SRRM2: variants seen among roughly 807,000 people sequenced by gnomAD.
SRRM2 encodes the protein serine/arginine repetitive matrix protein 2.
SRRM2 carries 30 observed loss-of-function variants against 213.8 expected under a neutral mutation model. That is an observed-to-expected ratio of 0.14 (90% confidence interval 0.10 to 0.19). SRRM2 has a LOEUF of 0.19. SRRM2 is among the 10% of genes least tolerant of loss of function. SRRM2 has a pLI of 1.00. For synonymous variants in SRRM2, 2,025 were observed against 1,377.7 expected (o/e 1.47, Z -10.40); for missense variants, 4,904 against 3,647.0 (o/e 1.34, Z -8.88).
chr16:2,763,901 C>T lies in SRRM2; in HGVS notation c.3373C>T (p.Pro1125Ser). 6.2e-6 allele frequency: 10 copies of T among 1,614,182 alleles called. No individual in the cohort carries two copies. Among genetic ancestry groups the T allele is most frequent in the African/African-American group, 1.3e-5 (1 of 75,030 alleles). The change falls in exon 11 of 15, where the codon CCT (proline) becomes TCT (serine). Residue 1125 changes from proline (P) to serine (S), a missense_variant. Physicochemically the swap from Pro to Ser is moderately conservative, Grantham distance 74. Transcript: ENST00000301740. Reference protein sequence around the residue: ...RQDRGEFSASPMLKSGMSPEQ... With the variant: ...RQDRGEFSASSMLKSGMSPEQ... ...AGATAGAGGTGAGTTCTCAGCGAGTCCTATGTTGAAATCTGGAATGTCTCC... is the reference window on the plus strand; with the variant it reads ...AGATAGAGGTGAGTTCTCAGCGAGTTCTATGTTGAAATCTGGAATGTCTCC...
chr16:2,763,316 C>T lies in SRRM2; in HGVS notation c.2788C>T (p.His930Tyr), dbSNP rs1567231666. 2 of 1,614,146 alleles carry T rather than the reference C, an allele frequency of 1.2e-6. No homozygotes were observed. Among genetic ancestry groups the T allele is most frequent in the Admixed American group, 1.7e-5 (1 of 60,022 alleles). Residue 930 changes from histidine (H) to tyrosine (Y), a missense_variant, in exon 11 of 15, where the codon CAT becomes TAT. Coordinates refer to ENST00000301740, the MANE Select transcript of SRRM2 (RefSeq NM_016333.4). ...AATAATATCACCAAGACAAAGAAGC[C>T]ATTCTGGCTCCTCTTCTCCAAGTCC... ...KAIISPRQRS[H>Y]SGSSSPSPSR...
At chr16:2,760,539 G>A (rs1440657126) in intron 10 of SRRM2, 40 bp downstream of exon 10, 6 of 1,605,718 alleles carry the variant, frequency 3.7e-6, no homozygotes, top group Non-Finnish European at 5.1e-6. Context: ...GATTGCAAAT[G>A]TATAGATTTA....
At position 2,761,802 on chromosome 16, in the gene SRRM2, C is replaced by T. The variant is rs768287108; in HGVS notation, c.1274C>T (p.Pro425Leu). Residue 425 changes from proline (P) to leucine (L), a missense_variant, in exon 11 of 15, where the codon CCT becomes CTT. Physicochemically the swap from Pro to Leu is moderately conservative, Grantham distance 98. Transcript: ENST00000301740. The part of the protein sequence containing the change: ...SSSSESSPPS[P>L]QPTKVSRHAS... ...TCCTCAGAGAGCAGCCCACCATCCC[C>T]TCAACCTACCAAAGTTTCTCGGCAT... is the stretch of plus-strand genomic sequence containing the variant. 3 of 1,614,102 alleles carry T rather than the reference C, an allele frequency of 1.9e-6. No homozygotes were observed. The South Asian group carries it at 3.3e-5, about 18-fold the overall frequency.
rs1446536928 is a variant in SRRM2 at position 2,763,769 on chromosome 16, T to C, written c.3241T>C (p.Ser1081Pro). ...AAGTCCAGAAGTGAGACAGAGTCATTCAGAATCACCATCTCTGCAGAGCAA... is the reference window on the plus strand; with the variant it reads ...AAGTCCAGAAGTGAGACAGAGTCATCCAGAATCACCATCTCTGCAGAGCAA... ...TSSPEVRQSH[S>P]ESPSLQSKSQ... is the part of the protein sequence containing the mutation. The change falls in exon 11 of 15, where the codon TCA (serine) becomes CCA (proline). Residue 1081 changes from serine to proline, a missense_variant. By Grantham distance (74) the Ser-to-Pro change is moderately conservative (BLOSUM62 -1). Coordinates refer to ENST00000301740, the MANE Select transcript of SRRM2 (RefSeq NM_016333.4). 6.2e-7 allele frequency: 1 copy of C among 1,614,168 alleles called. No individual in the cohort carries two copies. Among genetic ancestry groups the C allele is most frequent in the East Asian group, 2.2e-5 (1 of 44,890 alleles).
rs748025827 is a variant in SRRM2 at position 2,757,519 on chromosome 16, T to C, written c.290T>C (p.Met97Thr). 2 of 1,614,060 alleles carry C rather than the reference T, an allele frequency of 1.2e-6. No homozygotes were observed. The highest frequency in any genetic ancestry group is 1.7e-6 in the Non-Finnish European group (2 of 1,179,988). Residue 97 changes from methionine to threonine, a missense_variant, in exon 3 of 15, where the codon ATG (methionine) becomes ACG (threonine). Met to Thr is a moderately conservative substitution (Grantham distance 81). Transcript: ENST00000301740. ...GAAAAAGTGGCGACCTTTCGACTCA[T>C]GTTGCTGGAGAAGGATGTGAACCCT... ...IQEKVATFRL[M>T]LLEKDVNPGG...
chr16:2,763,249 G>A lies in SRRM2; in HGVS notation c.2721G>A (p.Gln907=). Reference sequence around the variant, plus strand: ...TGAAATCTAGCACACCTCCCAGACAGAGCCCATCTAGGTCATCATCTCCAC... The same window carrying A: ...TGAAATCTAGCACACCTCCCAGACAAAGCCCATCTAGGTCATCATCTCCAC... The part of the protein sequence containing the change: ...PRVKSSTPPR[Q]SPSRSSSPQP... Residue 907 remains glutamine (Q), a synonymous_variant, in exon 11 of 15, where the codon CAG becomes CAA. Transcript: ENST00000301740. 18 of 1,614,058 alleles carry A rather than the reference G, an allele frequency of 1.1e-5. No homozygotes were observed. The highest frequency in any genetic ancestry group is 1.4e-5 in the Non-Finnish European group (17 of 1,180,020).
Position 2,763,666 on chromosome 16 carries a change from C to T in SRRM2, c.3138C>T (p.Gly1046=), listed in dbSNP as rs371353887. ...GAGTAAAATCTAGCACACCACCAGG[C>T]GAGAGCTATTTTGGTGTCTCATCTC... ...CAGVKSSTPP[G]ESYFGVSSLQ... is the part of the protein sequence containing the mutation. Residue 1046 remains glycine, a synonymous_variant, in exon 11 of 15, where the codon GGC becomes GGT. Transcript: ENST00000301740. 2.4e-5 allele frequency: 39 copies of T among 1,614,022 alleles called. No individual in the cohort carries two copies. The highest frequency in any genetic ancestry group is 3.1e-5 in the Non-Finnish European group (36 of 1,180,034).
rs1463629348 is a variant in SRRM2 at position 2,766,156 on chromosome 16, C to T, written c.5628C>T (p.Ser1876=). The T allele has an allele frequency of 2.3e-5, 37 of 1,614,146 alleles. No homozygotes were observed. The highest frequency in any genetic ancestry group is 3.1e-5 in the Non-Finnish European group (37 of 1,180,024). Residue 1876 remains serine, a synonymous_variant, in exon 11 of 15, where the codon TCC becomes TCT. Transcript: ENST00000301740. This position sits in a 1 kb window ranked among gnomAD's most constrained non-coding sequence, Gnocchi z 7.0. ...CCTCTCCAGCCACTCACCGGCGATC[C>T]AGGTCCAGAACCCCCCTGATAAGCC... ...SRASPATHRR[S]RSRTPLISRR...
intron 12 of SRRM2, chr16:2,769,537 G>T: frequency 1.5e-6 from 1 of 645,410 alleles, no homozygotes; most frequent in Non-Finnish European, 2.8e-6. Context: ...TCAACACATA[G>T]CCTGTTCCCA....
At chr16:2,753,633 T>A (rs149773431) in intron 1 of SRRM2, 2 of 152,180 alleles carry the variant, frequency 1.3e-5, no homozygotes, top group Admixed American at 6.5e-5. Context: ...CAGACTCATA[T>A]ATAAGTTTTC....
rs779316968 is a variant in SRRM2, at chr16:2,756,462, G to C, written c.98G>C (p.Arg33Pro). ...CTGGTGCGGGGCCGCCGGGGTGAGC[G>C]GCCTGACTACAAGGGAGAGGAGGAA... ...LSLVRGRRGE[R>P]PDYKGEEELR... The change falls in exon 2 of 15, where the codon CGG (arginine) becomes CCG (proline). Residue 33 changes from arginine to proline, a missense_variant. Coordinates refer to ENST00000301740, the MANE Select transcript of SRRM2 (RefSeq NM_016333.4). 6.2e-7 allele frequency: 1 copy of C among 1,613,516 alleles called. No individual in the cohort carries two copies. Among genetic ancestry groups the C allele is most frequent in the Non-Finnish European group, 8.5e-7 (1 of 1,179,790 alleles).
rs980969677 is a variant in SRRM2, at chr16:2,757,370, G to C, written c.243-102G>C. 127 of 923,910 alleles carry C rather than the reference G, an allele frequency of 1.4e-4. 1 individual carries two copies. Among genetic ancestry groups the C allele is most frequent in the South Asian group, 9.2e-4 (60 of 65,408 alleles). The allele number at this position is 923,910 out of a possible 1,614,324, so 57.2% of individuals were successfully genotyped here. ...TGGGTGAGCGAAAAGTTCTGTGTGCGCATGGAGAGGGAGGGGCCCCTTTTG... is the reference window on the plus strand; with the variant it reads ...TGGGTGAGCGAAAAGTTCTGTGTGCCCATGGAGAGGGAGGGGCCCCTTTTG... On this transcript the variant is annotated intron_variant, in intron 2 of 14. Coordinates refer to ENST00000301740, the MANE Select transcript of SRRM2 (RefSeq NM_016333.4).
Position 2,766,650 on chromosome 16 carries a change from G to A in SRRM2, c.6122G>A (p.Arg2041His), listed in dbSNP as rs780371681. The A allele has an allele frequency of 2.9e-5, 47 of 1,613,816 alleles. No individual in the cohort carries two copies. Among genetic ancestry groups the A allele is most frequent in the South Asian group, 9.9e-5 (9 of 91,074 alleles). ...RSRTPLLPRK[R>H]SRSRSPLAIR... is the part of the protein sequence containing the mutation. ...CGAACGCCACTGTTACCACGCAAAC[G>A]TTCTCGAAGTCGCTCACCACTTGCT... The change falls in exon 11 of 15, where the codon CGT (arginine) becomes CAT (histidine). Residue 2041 changes from arginine (R) to histidine (H), a missense_variant. Transcript: ENST00000301740. This position sits in a 1 kb window ranked among gnomAD's most constrained non-coding sequence, Gnocchi z 7.0.
In SRRM2 at chr16:2,764,360, C is replaced by A. The variant is rs761352556; in HGVS notation, c.3832C>A (p.Pro1278Thr). The change falls in exon 11 of 15, where the codon CCT (proline) becomes ACT (threonine). Residue 1278 changes from proline to threonine, a missense_variant. Pro to Thr is a conservative substitution (Grantham distance 38). Coordinates refer to ENST00000301740, the MANE Select transcript of SRRM2 (RefSeq NM_016333.4). Reference protein sequence around the residue: ...FESSPEVEERPAVSLTLDQSQ... With the variant: ...FESSPEVEERTAVSLTLDQSQ... ...ATCATCTCCTGAAGTAGAAGAAAGG[C>A]CTGCTGTGTCTTTGACTCTTGATCA... is the stretch of plus-strand genomic sequence containing the variant. 1.2e-6 allele frequency: 2 copies of A among 1,614,192 alleles called. No homozygotes were observed. Among genetic ancestry groups the A allele is most frequent in the Middle Eastern group, 3.3e-4 (2 of 6,062 alleles).
chr16:2,757,086 T>G (rs527721541), intron 2 of SRRM2, among the ~76,000 whole-genome samples: 9 of 152,272 alleles, frequency 5.9e-5, no homozygotes, highest in African/African-American at 2.2e-4. Context: ...AGGAGCCCAT[T>G]AAGGCAGAAA....
intron 9 of SRRM2, chr16:2,759,978 G>C: frequency 1.9e-6 from 1 of 537,094 alleles, no homozygotes; most frequent in Non-Finnish European, 3.3e-6. Flanking sequence ...CCTTAATCGG[G>C]GAAGGCTTCC....
At chr16:2,754,309 T>C (rs575982984) in intron 1 of SRRM2, among the ~76,000 whole-genome samples, 9 of 152,012 alleles carry the variant, frequency 5.9e-5, no homozygotes, top group South Asian at 2.1e-4. Flanking sequence ...TTTTTTTTTT[T>C]CCGAGACGGA....
rs2068218403 is a variant in SRRM2 at position 2,758,284 on chromosome 16, T to G, written c.516-186T>G. 2.0e-5 allele frequency among the ~76,000 whole-genome samples: 3 copies of G among 152,202 alleles called. No individual in the cohort carries two copies. The South Asian group carries it at 6.2e-4, about 31-fold the overall frequency. On this transcript the variant is annotated intron_variant, in intron 4 of 14. Transcript: ENST00000301740. The stretch of plus-strand genomic sequence containing the variant: ...TTGGAGAGGTGGAGGCAGGAGGGTC[T>G]TTTGAGCCCACAAGTTGGAGGTTAC...
chr16:2,763,893 C>T lies in SRRM2; in HGVS notation c.3365C>T (p.Ser1122Leu), dbSNP rs190393090. ...ATAAGACAAGATAGAGGTGAGTTCTCAGCGAGTCCTATGTTGAAATCTGGA... is the reference window on the plus strand; with the variant it reads ...ATAAGACAAGATAGAGGTGAGTTCTTAGCGAGTCCTATGTTGAAATCTGGA... The part of the protein sequence containing the change: ...SPIRQDRGEF[S>L]ASPMLKSGMS... The change falls in exon 11 of 15, where the codon TCA becomes TTA. Residue 1122 changes from serine to leucine, a missense_variant. Physicochemically the swap from Ser to Leu is moderately radical, Grantham distance 145. Transcript: ENST00000301740. 9.9e-6 allele frequency: 16 copies of T among 1,614,208 alleles called. No homozygotes were observed. Among genetic ancestry groups the T allele is most frequent in the East Asian group, 2.2e-5 (1 of 44,890 alleles).
Sources: gnomAD v4.1 joint callset for allele counts (sites outside exome capture counted in the v4.1 genomes callset) on GRCh38, gnomAD v4.1.1 for gene constraint, Gnocchi (gnomAD v3.1) non-coding constraint, MANE v1.5 for transcripts, NCBI Gene and HGNC (gene_info 2026-07-23, HGNC 2026-07-21) for gene names.